Variants in TAOK3 observed in about 807,000 individuals in gnomAD.
TAOK3 encodes TAO kinase 3, also known as serine/threonine-protein kinase TAO3.
In TAOK3, 40 loss-of-function variants were observed where a neutral mutation model predicts 120.4. The observed-to-expected ratio is 0.33, with a 90% CI of 0.26 to 0.43. The LOEUF is 0.43. Among genes scored for constraint, TAOK3 ranks in the 20% least tolerant of loss-of-function variants. The probability of loss-of-function intolerance (pLI) is 1.00; values close to 1 mark genes in which losing one functional copy is unlikely to be tolerated. For missense variants in TAOK3, 821 were observed against 1,112.1 expected, an observed-to-expected ratio of 0.74 and a Z score of 3.72; for synonymous variants, 355 against 387.5, an observed-to-expected ratio of 0.92 and a Z score of 0.99.
chr12:118,305,963 CT>C (rs775525778), intron 1 of TAOK3, among the ~76,000 whole-genome samples: 81 of 150,294 alleles, frequency 5.4e-4, no homozygotes, highest in Non-Finnish European at 1.0e-3. Flanking sequence ...TCCTCTGCTG[CT>C]TTGGAGAGGT....
intron 1 of TAOK3, among the ~76,000 whole-genome samples, chr12:118,352,461 C>T (rs573547115): frequency 1.6e-4 from 24 of 150,934 alleles, no homozygotes; most frequent in East Asian, 1.2e-3. Context: ...GCCAAGATTG[C>T]GCCACTGCAC....
At position 118,367,683 on chromosome 12, in the gene TAOK3, A is replaced by C. The variant is rs186346828; in HGVS notation, c.-194+4965T>G. Among the ~76,000 whole-genome samples the C allele has an allele frequency of 5.9e-5, 9 of 152,300 alleles. No homozygotes were observed. In the East Asian group the frequency reaches 1.7e-3, roughly 29 times the overall value. On this transcript the variant is annotated intron_variant, in intron 1 of 20. Coordinates refer to ENST00000392533, the MANE Select transcript of TAOK3 (RefSeq NM_016281.4). ...GCAATCTTATAATATCCTACAACTTAAAAATATGAATTCAAAAACTATACA... is the reference window on the plus strand; with the variant it reads ...GCAATCTTATAATATCCTACAACTTCAAAATATGAATTCAAAAACTATACA...
At chr12:118,231,833 G>C (rs767433615) in intron 9 of TAOK3, among the ~76,000 whole-genome samples, 4 of 151,474 alleles carry the variant, frequency 2.6e-5, no homozygotes, top group African/African-American at 4.9e-5. Context: ...TGAGGCAGGA[G>C]AATCGCTTGA....
At chr12:118,311,329 T>C (rs989867970) in intron 1 of TAOK3, among the ~76,000 whole-genome samples, 2 of 152,014 alleles carry the variant, frequency 1.3e-5, no homozygotes, top group African/African-American at 4.8e-5. Flanking sequence ...GGTGTGGTAG[T>C]GGGCACCTGT....
chr12:118,285,553 A>C (rs1047144420), intron 1 of TAOK3, among the ~76,000 whole-genome samples: 2 of 151,804 alleles, frequency 1.3e-5, no homozygotes, highest in Admixed American at 6.6e-5. Flanking sequence ...GGTTTTCACC[A>C]TGTTGGCCAG....
rs754852869 is a variant in TAOK3, at chr12:118,189,799, T to C, written c.1329+8A>G. On this transcript the variant is annotated splice_region_variant and intron_variant, in intron 14 of 20. Transcript: ENST00000392533. ...GAAGGGAAGGTGGGTAGAGGGGTGT[T>C]TGCTTACCAAAGATGCTGATTTGAT... The C allele has an allele frequency of 9.9e-6, 16 of 1,613,872 alleles. No individual in the cohort carries two copies. The African/African-American group carries it at 2.1e-4, about 22-fold the overall frequency.
chr12:118,216,620 T>TA (rs1359703762), intron 9 of TAOK3, among the ~76,000 whole-genome samples: 1 of 152,148 alleles, frequency 6.6e-6, no homozygotes, highest in Admixed American at 6.5e-5. Flanking sequence ...TATTAGTTGT[T>TA]ACGGAATAGA....
intron 11 of TAOK3, among the ~76,000 whole-genome samples, chr12:118,203,221 C>G (rs2038121322): frequency 6.6e-6 from 1 of 151,946 alleles, no homozygotes; most frequent in Non-Finnish European, 1.5e-5. Flanking sequence ...TTCAATTTAT[C>G]CAGAGGTCAA....
chr12:118,267,225 A>AT (rs2041488808), intron 1 of TAOK3, among the ~76,000 whole-genome samples: 1 of 151,576 alleles, frequency 6.6e-6, no homozygotes, highest in East Asian at 1.9e-4. Flanking sequence ...TTATTTATTT[A>AT]TTTTTTTTGA....
intron 19 of TAOK3, among the ~76,000 whole-genome samples, chr12:118,155,206 G>C (rs541828474): frequency 6.6e-6 from 1 of 152,186 alleles, no homozygotes; most frequent in South Asian, 2.1e-4. Context: ...AGGTTGGCCA[G>C]GCTGGTCTCG....
chr12:118,307,701 G>A (rs1463793194), intron 1 of TAOK3, among the ~76,000 whole-genome samples: 1 of 152,156 alleles, frequency 6.6e-6, no homozygotes, highest in African/African-American at 2.4e-5. Flanking sequence ...AGAGGTCTCG[G>A]TATCCTCTAT....
intron 9 of TAOK3, among the ~76,000 whole-genome samples, chr12:118,218,684 A>T (rs2039065906): frequency 6.6e-6 from 1 of 151,872 alleles, no homozygotes; most frequent in African/African-American, 2.4e-5. Flanking sequence ...AATATTTCTG[A>T]TCTGTGGCTG....
chr12:118,160,272 C>T lies in TAOK3; in HGVS notation c.2226G>A (p.Leu742=). The change falls in exon 19 of 21, where the codon TTG becomes TTA. Residue 742 remains leucine, a synonymous_variant. Transcript: ENST00000392533. This position sits in a 1 kb window ranked among gnomAD's most constrained non-coding sequence, Gnocchi z 4.2. ...KQYKALKNHQ[L]EVTPKNEHKT... Reference sequence around the variant, plus strand: ...TGTGCTCATTCTTTGGAGTAACTTCCAACTGGTGATTCTTGAGTGCTTTAT... The same window carrying T: ...TGTGCTCATTCTTTGGAGTAACTTCTAACTGGTGATTCTTGAGTGCTTTAT... 6.2e-7 allele frequency: 1 copy of T among 1,614,136 alleles called. No homozygotes were observed. Among genetic ancestry groups the T allele is most frequent in the South Asian group, 1.1e-5 (1 of 91,076 alleles).
chr12:118,303,484 T>A (rs1468573862), intron 1 of TAOK3, among the ~76,000 whole-genome samples: 1 of 152,230 alleles, frequency 6.6e-6, no homozygotes, highest in Non-Finnish European at 1.5e-5. Flanking sequence ...AACAATGCTA[T>A]GAGACATTTC....
chr12:118,252,414 C>T (rs1566016992), intron 3 of TAOK3, among the ~76,000 whole-genome samples: 1 of 151,956 alleles, frequency 6.6e-6, no homozygotes, highest in Non-Finnish European at 1.5e-5. Flanking sequence ...GGTGGATACT[C>T]TTAAGGGGAC....
At chr12:118,224,958 A>G (rs548229671) in intron 9 of TAOK3, among the ~76,000 whole-genome samples, 1 of 152,192 alleles carries the variant, frequency 6.6e-6, no homozygotes, top group African/African-American at 2.4e-5. Flanking sequence ...TGTTAAAAGT[A>G]CAACTTGGGC....
At chr12:118,319,635 CGATGA>C (rs2043618091) in intron 1 of TAOK3, among the ~76,000 whole-genome samples, 1 of 151,680 alleles carries the variant, frequency 6.6e-6, no homozygotes, top group East Asian at 1.9e-4. Context: ...TGCAAAACCA[CGATGA>C]GATATTATTT....
At chr12:118,166,538 C>CAAAAA (rs1276962566) in intron 17 of TAOK3, among the ~76,000 whole-genome samples, 1 of 66,372 alleles carries the variant, frequency 1.5e-5, no homozygotes. Context: ...AACTCCGTCT[C>CAAAAA]AAAAAAAAAA....
At chr12:118,339,602 G>T (rs1156954971) in intron 1 of TAOK3, among the ~76,000 whole-genome samples, 1 of 150,388 alleles carries the variant, frequency 6.6e-6, no homozygotes, top group Non-Finnish European at 1.5e-5. Context: ...GTCTTACTCT[G>T]TCGCCCAGGC....
Sources: allele counts gnomAD v4.1 joint callset (sites outside exome capture counted in the v4.1 genomes callset), GRCh38; gene constraint gnomAD v4.1.1; non-coding constraint Gnocchi (gnomAD v3.1); transcripts MANE v1.5; gene names NCBI Gene and HGNC (gene_info 2026-07-23, HGNC 2026-07-21).